The following NTRK3 variants were observed in gnomAD, a reference collection of about 807,000 sequenced individuals.
NTRK3 encodes neurotrophic receptor tyrosine kinase 3.
In NTRK3, 24 loss-of-function variants were observed where a neutral mutation model predicts 91.7. That is an observed-to-expected ratio of 0.26 (90% CI 0.19 to 0.37). NTRK3 has a LOEUF of 0.37. Ranked by LOEUF, NTRK3 falls within the 10% of genes least tolerant of loss-of-function variation. The pLI, the probability that NTRK3 is intolerant of heterozygous loss-of-function variation, is 1.00. For synonymous variants in NTRK3, 483 were observed against 404.0 expected, an observed-to-expected ratio of 1.20 and a Z score of -2.34; for missense variants, 880 against 1,068.9, an observed-to-expected ratio of 0.82 and a Z score of 2.46.
At chr15:88,050,375 C>T (rs2080705585) in intron 13 of NTRK3, among the ~76,000 whole-genome samples, 1 of 152,134 alleles carries the variant, frequency 6.6e-6, no homozygotes, top group Non-Finnish European at 1.5e-5. Flanking sequence ...GTACCATTCC[C>T]ATCTTGGCCT....
chr15:87,952,861 GC>G lies in NTRK3; in HGVS notation c.1586-12109del, dbSNP rs559876464. On this transcript the variant is annotated intron_variant, in intron 14 of 18. Coordinates refer to ENST00000394480, the Ensembl canonical transcript of NTRK3. Reference sequence around the variant, plus strand: ...CCGCCTTTCCTGCCCTACCCCCGCCGCCCCCTCTAAGCCTCTCGCTCTGGCC... The same window carrying G: ...CCGCCTTTCCTGCCCTACCCCCGCCGCCCCTCTAAGCCTCTCGCTCTGGCC... Among the ~76,000 whole-genome samples the G allele has an allele frequency of 1.2e-4, 16 of 132,272 alleles. No homozygotes were observed. In the South Asian group the frequency reaches 4.3e-3, roughly 36 times the overall value. 86.8% of individuals were successfully genotyped at this position (132,272 alleles called of 152,430 possible).
intron 13 of NTRK3, among the ~76,000 whole-genome samples, chr15:88,091,969 CA>C (rs2049057386): frequency 6.6e-6 from 1 of 152,204 alleles, no homozygotes; most frequent in African/African-American, 2.4e-5. Context: ...AAATCTTCTG[CA>C]AAAGGCAGCA....
At chr15:88,036,591 G>A (rs1261888336) in intron 13 of NTRK3, among the ~76,000 whole-genome samples, 2 of 152,220 alleles carry the variant, frequency 1.3e-5, no homozygotes, top group Non-Finnish European at 2.9e-5. Flanking sequence ...ATCATAGAGA[G>A]GCAGTCTCAA....
intron 5 of NTRK3, among the ~76,000 whole-genome samples, chr15:88,154,141 G>A (rs1341286592): frequency 2.1e-5 from 3 of 145,174 alleles, no homozygotes; most frequent in Admixed American, 6.8e-5. Context: ...ACAAACCACA[G>A]AAGGATGAAA....
At chr15:88,102,324 A>G (rs1567407799) in intron 13 of NTRK3, among the ~76,000 whole-genome samples, 1 of 152,166 alleles carries the variant, frequency 6.6e-6, no homozygotes, top group Non-Finnish European at 1.5e-5. Flanking sequence ...TAGTTATACC[A>G]AAAAAACACA....
rs1178373735 is a variant in NTRK3, at chr15:88,255,913, T to A, written c.241A>T (p.Thr81Ser). 6.2e-7 allele frequency: 1 copy of A among 1,609,632 alleles called. No homozygotes were observed. The highest frequency in any genetic ancestry group is 1.1e-5 in the South Asian group (1 of 90,780). The change falls in exon 3 of 19, where the codon ACT becomes TCT. Residue 81 changes from threonine (T) to serine (S), a missense_variant. Transcript: ENST00000394480. This position sits in a 1 kb window ranked among gnomAD's most constrained non-coding sequence, Gnocchi z 4.3. ...AGCGGCCGCCTGACTTACATGGAAG[T>A]GATATTCCTTGAGATGTCCGTGATG... is the stretch of plus-strand genomic sequence containing the variant.
intron 14 of NTRK3, among the ~76,000 whole-genome samples, chr15:88,025,739 G>C (rs1030566635): frequency 1.3e-5 from 2 of 152,118 alleles, no homozygotes; most frequent in Admixed American, 6.5e-5. Context: ...TGTTGTTTGG[G>C]GCCACCCAAC....
chr15:87,881,493 T>C (rs922072170), intron 17 of NTRK3, among the ~76,000 whole-genome samples: 5 of 151,338 alleles, frequency 3.3e-5, no homozygotes, highest in South Asian at 2.1e-4. Flanking sequence ...GATCTCGGCT[T>C]ACTGCCAGCT....
chr15:87,874,211 T>TA (rs11421079), exon 19 of NTRK3: 4 of 73,096 alleles, frequency 5.5e-5, no homozygotes, highest in African/African-American at 1.7e-4. Context: ...AAAATAAATC[T>TA]TTTTTTTTTA....
At chr15:88,084,701 C>A (rs2048346523) in intron 13 of NTRK3, among the ~76,000 whole-genome samples, 1 of 152,190 alleles carries the variant, frequency 6.6e-6, no homozygotes, top group Admixed American at 6.5e-5. Flanking sequence ...AAGACGTCCC[C>A]CTGCCCTCCA....
intron 14 of NTRK3, among the ~76,000 whole-genome samples, chr15:87,954,107 G>C (rs767884947): frequency 5.3e-5 from 8 of 150,448 alleles, no homozygotes; most frequent in Non-Finnish European, 1.2e-4. Context: ...TCTGTGGGCA[G>C]ATGTGAATGA....
In NTRK3 at chr15:87,957,824, T is replaced by C. The variant is rs555788017; in HGVS notation, c.1586-17071A>G. Among the ~76,000 whole-genome samples, 20 of 152,298 alleles carry C rather than the reference T, an allele frequency of 1.3e-4. No homozygotes were observed. In the South Asian group the frequency reaches 3.9e-3, roughly 30 times the overall value. On this transcript the variant is annotated intron_variant, in intron 14 of 18. Transcript: ENST00000394480. ...AGTTACACCTGAAGTCGGTGGCCCA[T>C]TGTTTAGCAGAGCACATTAATTAGT...
rs568159161 is a variant in NTRK3, at chr15:88,011,478, A to G, written c.1585+21379T>C. On this transcript the variant is annotated intron_variant, in intron 14 of 18. Coordinates refer to ENST00000394480, the Ensembl canonical transcript of NTRK3. ...ACTATGGGGCATTTGCTACCTTCCT[A>G]TAATTTCAGAACATTTGGAAATCAT... Among the ~76,000 whole-genome samples the G allele has an allele frequency of 2.0e-5, 3 of 152,318 alleles. No individual in the cohort carries two copies. In the East Asian group the frequency reaches 5.8e-4, roughly 29 times the overall value.
At chr15:87,988,154 T>C (rs1203825502) in intron 14 of NTRK3, among the ~76,000 whole-genome samples, 1 of 152,200 alleles carries the variant, frequency 6.6e-6, no homozygotes, top group African/African-American at 2.4e-5. Flanking sequence ...GTGATAAGCA[T>C]GCACTCTTTA....
chr15:88,226,167 G>A (rs888577445), intron 3 of NTRK3, among the ~76,000 whole-genome samples: 50 of 152,264 alleles, frequency 3.3e-4, no homozygotes, highest in South Asian at 1.0e-3. Context: ...GAGCCAGACC[G>A]TCTCTAAGTC....
chr15:87,941,735 C>A (rs1365313549), intron 14 of NTRK3, among the ~76,000 whole-genome samples: 1 of 152,190 alleles, frequency 6.6e-6, no homozygotes, highest in African/African-American at 2.4e-5. Flanking sequence ...AATTTAGCAA[C>A]CTAATTAAGG....
intron 13 of NTRK3, among the ~76,000 whole-genome samples, chr15:88,080,422 T>C (rs2047941503): frequency 2.0e-5 from 3 of 152,254 alleles, no homozygotes; most frequent in Admixed American, 2.0e-4. Context: ...TTGTAACTGA[T>C]TTAATTAATG....
chr15:88,127,094 CA>C, intron 12 of NTRK3, 67 bp downstream of exon 12: 1 of 1,340,718 alleles, frequency 7.5e-7, no homozygotes. Flanking sequence ...GAAAAGTTAG[CA>C]ACACAAATGA....
intron 13 of NTRK3, among the ~76,000 whole-genome samples, chr15:88,106,708 G>A (rs1055733043): frequency 2.0e-5 from 3 of 152,110 alleles, no homozygotes; most frequent in East Asian, 1.9e-4. Flanking sequence ...AAGGGGGAAC[G>A]GATCATGAGG....
Sources: gnomAD v4.1 joint callset for allele counts (sites outside exome capture counted in the v4.1 genomes callset) on GRCh38, gnomAD v4.1.1 for gene constraint, Gnocchi (gnomAD v3.1) non-coding constraint, MANE v1.5 for transcripts, NCBI Gene and HGNC (gene_info 2026-07-23, HGNC 2026-07-21) for gene names.